The following KIF26B variants were observed in gnomAD, a reference collection of about 807,000 sequenced individuals.
KIF26B encodes kinesin-like protein KIF26B.
KIF26B carries 63 observed loss-of-function variants against 151.2 expected under a neutral mutation model. The ratio of observed to expected loss-of-function variants is 0.42; its 90% CI spans 0.34 to 0.51. KIF26B has a LOEUF of 0.51. Ranked by LOEUF, KIF26B falls within the 20% of genes least tolerant of loss-of-function variation. The pLI is 0.07. For synonymous variants in KIF26B, 1,357 were observed against 1,262.1 expected (o/e 1.08, Z -1.59); for missense variants, 2,813 against 2,913.6 (o/e 0.97, Z 0.79).
At chr1:245,423,416 C>T (rs1212553535) in intron 4 of KIF26B, among the ~76,000 whole-genome samples, 1 of 151,904 alleles carries the variant, frequency 6.6e-6, no homozygotes, top group East Asian at 1.9e-4. Flanking sequence ...TTTCCTCTCA[C>T]TTGAGACCCC....
At chr1:245,293,205 C>G (rs1300699047) in intron 2 of KIF26B, among the ~76,000 whole-genome samples, 3 of 152,078 alleles carry the variant, frequency 2.0e-5, no homozygotes, top group Non-Finnish European at 4.4e-5. Context: ...TGGTTTGTCT[C>G]TTTTGTTTTG....
At chr1:245,341,364 A>T (rs377574617) in intron 2 of KIF26B, among the ~76,000 whole-genome samples, 1 of 127,740 alleles carries the variant, frequency 7.8e-6, no homozygotes, top group Non-Finnish European at 1.6e-5. Flanking sequence ...TTTGTCACCC[A>T]GGCTAGCCTG....
At chr1:245,668,899 C>T (rs1307721399) in intron 10 of KIF26B, among the ~76,000 whole-genome samples, 1 of 152,056 alleles carries the variant, frequency 6.6e-6, no homozygotes, top group Non-Finnish European at 1.5e-5. Flanking sequence ...CCATGTTGGC[C>T]AGGCTGGTCG....
intron 5 of KIF26B, among the ~76,000 whole-genome samples, chr1:245,545,503 G>T (rs75454767): frequency 0.13 from 19,823 of 152,110 alleles, 1,483 homozygotes; most frequent in East Asian, 0.27. Flanking sequence ...TGTCCTTAAG[G>T]TACTTATAAC....
chr1:245,694,459 T>C (rs1261761318), intron 12 of KIF26B, among the ~76,000 whole-genome samples: 1 of 152,172 alleles, frequency 6.6e-6, no homozygotes, highest in Non-Finnish European at 1.5e-5. Context: ...GGCAGAAGCA[T>C]ATTCCCCAGG....
chr1:245,492,104 C>A (rs760011564), intron 4 of KIF26B, among the ~76,000 whole-genome samples: 3 of 152,202 alleles, frequency 2.0e-5, no homozygotes, highest in Non-Finnish European at 4.4e-5. Flanking sequence ...TGTGCCCAGG[C>A]CCTTCCTGAT....
intron 12 of KIF26B, among the ~76,000 whole-genome samples, chr1:245,696,256 C>T (rs899051971): frequency 5.9e-5 from 9 of 152,226 alleles, no homozygotes; most frequent in Non-Finnish European, 1.2e-4. Flanking sequence ...GGGTCATTCC[C>T]TCTGGGGGAT....
intron 3 of KIF26B, among the ~76,000 whole-genome samples, chr1:245,400,866 T>G (rs947103542): frequency 3.9e-5 from 6 of 152,096 alleles, no homozygotes; most frequent in Non-Finnish European, 8.8e-5. Context: ...ATATTTCTGT[T>G]GGAAAGCTCA....
At chr1:245,619,120 C>CTGT (rs2043628416) in intron 9 of KIF26B, among the ~76,000 whole-genome samples, 2 of 140,558 alleles carry the variant, frequency 1.4e-5, no homozygotes, top group African/African-American at 5.5e-5. Flanking sequence ...GGGGCTGTGT[C>CTGT]TGCTGCGTGC....
At chr1:245,397,683 T>C (rs1181656496) in intron 3 of KIF26B, among the ~76,000 whole-genome samples, 1 of 152,048 alleles carries the variant, frequency 6.6e-6, no homozygotes, top group African/African-American at 2.4e-5. Context: ...GGCATAGTTA[T>C]GAGATTTGGG....
At chr1:245,472,933 A>G (rs1659946836) in intron 4 of KIF26B, among the ~76,000 whole-genome samples, 3 of 152,254 alleles carry the variant, frequency 2.0e-5, no homozygotes, top group Admixed American at 6.5e-5. Context: ...GCCAAGAGGT[A>G]GGTGTGCAAG....
chr1:245,598,579 C>T (rs1402208218), intron 5 of KIF26B, among the ~76,000 whole-genome samples: 3 of 152,090 alleles, frequency 2.0e-5, no homozygotes, highest in Non-Finnish European at 4.4e-5. Flanking sequence ...CGGGGCTGCT[C>T]CTCCTCAGCC....
At chr1:245,484,597 A>C (rs1195073848) in intron 4 of KIF26B, among the ~76,000 whole-genome samples, 1 of 150,814 alleles carries the variant, frequency 6.6e-6, no homozygotes, top group Non-Finnish European at 1.5e-5. Flanking sequence ...AAAATGAAAT[A>C]GATTTTGGAG....
At chr1:245,383,858 A>G (rs1182093635) in intron 3 of KIF26B, among the ~76,000 whole-genome samples, 1 of 152,234 alleles carries the variant, frequency 6.6e-6, no homozygotes, top group African/African-American at 2.4e-5. Flanking sequence ...AGGGCTGCCC[A>G]TCTGCTCTCC....
At chr1:245,294,926 G>A (rs1671313298) in intron 2 of KIF26B, among the ~76,000 whole-genome samples, 1 of 152,174 alleles carries the variant, frequency 6.6e-6, no homozygotes, top group South Asian at 2.1e-4. Context: ...GCCTCCCAAA[G>A]TGCTGGGATT....
In KIF26B at chr1:245,282,889, G is replaced by A. The variant is rs554939569; in HGVS notation, c.466-83945G>A. 33 of 283,012 alleles carry A rather than the reference G, an allele frequency of 1.2e-4. 1 individual carries two copies. The highest frequency in any genetic ancestry group is 1.1e-3 in the South Asian group (24 of 21,624). 17.5% of individuals were successfully genotyped at this position (283,012 alleles called of 1,614,324 possible). A position where few individuals can be genotyped will look rare whatever the true frequency, so the allele number is the denominator to read the frequency against. On this transcript the variant is annotated intron_variant, in intron 2 of 14. Coordinates refer to ENST00000407071, the MANE Select transcript of KIF26B (RefSeq NM_018012.4). ...CCCTTATTGGCAGTCGGGCATACAT[G>A]GAGTATTAATGCTGCTTCCCATTTT...
intron 3 of KIF26B, among the ~76,000 whole-genome samples, chr1:245,390,952 A>AAAC (rs57019111): frequency 1.5e-5 from 1 of 65,598 alleles, no homozygotes; most frequent in African/African-American, 3.4e-5. Context: ...AAAAAAAAAA[A>AAAC]CCACCATAAA....
intron 10 of KIF26B, among the ~76,000 whole-genome samples, chr1:245,652,821 C>T (rs10924281): frequency 0.039 from 6,007 of 152,212 alleles, 155 homozygotes; most frequent in African/African-American, 0.067. Flanking sequence ...GCTCTGTCAT[C>T]ATCTCTTGGC....
At chr1:245,201,940 C>T (rs1469925316) in intron 2 of KIF26B, among the ~76,000 whole-genome samples, 1 of 152,158 alleles carries the variant, frequency 6.6e-6, no homozygotes, top group Non-Finnish European at 1.5e-5. Flanking sequence ...TTTAAAGTTG[C>T]CCTTGCTTAG....
Sources: allele counts gnomAD v4.1 joint callset (sites outside exome capture counted in the v4.1 genomes callset), GRCh38; gene constraint gnomAD v4.1.1; transcripts MANE v1.5; gene names NCBI Gene and HGNC (gene_info 2026-07-23, HGNC 2026-07-21).